ICA1: variants seen among roughly 807,000 people sequenced by gnomAD.
The protein encoded by ICA1 is islet cell autoantigen 1, also known as 69 kDa islet cell autoantigen.
A neutral mutation model predicts 71.0 loss-of-function variants in ICA1; 40 were observed. The ratio of observed to expected loss-of-function variants is 0.56; its 90% CI spans 0.44 to 0.73. The LOEUF (loss-of-function observed/expected upper bound fraction) is 0.73. Ranked by LOEUF, ICA1 falls within the 30% of genes least tolerant of loss-of-function variation. The probability of loss-of-function intolerance (pLI) is 0.00; values close to 1 mark genes in which losing one functional copy is unlikely to be tolerated. For missense variants in ICA1, 578 were observed against 576.5 expected, an observed-to-expected ratio of 1.00 and a Z score of -0.03; for synonymous variants, 207 against 209.5, an observed-to-expected ratio of 0.99 and a Z score of 0.10.
chr7:8,233,707 A>G (rs1009271215), intron 2 of ICA1, among the ~76,000 whole-genome samples: 2 of 152,080 alleles, frequency 1.3e-5, no homozygotes, highest in African/African-American at 4.8e-5. Flanking sequence ...CATGGTGCCT[A>G]TTGTTAACAA....
intron 6 of ICA1, among the ~76,000 whole-genome samples, chr7:8,212,508 T>TG (rs397725224): frequency 1.7e-3 from 1 of 578 alleles, no homozygotes; most frequent in Non-Finnish European, 3.4e-3. Context: ...GAGGTTGCAG[T>TG]GAGCTGAGAT....
chr7:8,184,390 G>A (rs534152454), intron 6 of ICA1, among the ~76,000 whole-genome samples: 73 of 152,296 alleles, frequency 4.8e-4, no homozygotes, highest in African/African-American at 1.5e-3. Context: ...TCAATAAGAC[G>A]CAATGTGCTC....
intron 1 of ICA1, among the ~76,000 whole-genome samples, chr7:8,243,565 A>T (rs1804787186): frequency 6.6e-6 from 1 of 152,214 alleles, no homozygotes; most frequent in African/African-American, 2.4e-5. Flanking sequence ...AGTTCTGGCC[A>T]GGGCAATCAG....
At chr7:8,192,861 G>A (rs1585077987) in intron 6 of ICA1, among the ~76,000 whole-genome samples, 1 of 152,208 alleles carries the variant, frequency 6.6e-6, no homozygotes, top group African/African-American at 2.4e-5. Flanking sequence ...CCCATATTTG[G>A]CGAATGGGAG....
intron 6 of ICA1, among the ~76,000 whole-genome samples, chr7:8,185,909 T>C (rs1783758541): frequency 6.6e-6 from 1 of 152,210 alleles, no homozygotes; most frequent in South Asian, 2.1e-4. Flanking sequence ...TGTAGGAGCC[T>C]GGGTTAGATG....
intron 6 of ICA1, among the ~76,000 whole-genome samples, chr7:8,169,312 C>T (rs1311578024): frequency 6.6e-6 from 1 of 152,044 alleles, no homozygotes; most frequent in Non-Finnish European, 1.5e-5. Flanking sequence ...TTGAGTAAAG[C>T]TGTTATAAAT....
intron 13 of ICA1, among the ~76,000 whole-genome samples, chr7:8,119,014 T>C (rs898508025): frequency 6.6e-6 from 1 of 152,236 alleles, no homozygotes; most frequent in African/African-American, 2.4e-5. Context: ...AAGCACTTCC[T>C]CAGTTGGTCT....
chr7:8,233,746 C>T (rs750723312), intron 2 of ICA1, among the ~76,000 whole-genome samples: 9 of 151,938 alleles, frequency 5.9e-5, no homozygotes, highest in Admixed American at 1.3e-4. Flanking sequence ...AAATTTAAGA[C>T]GGTTGACTTC....
chr7:8,229,018 T>C (rs1460853809), intron 3 of ICA1, among the ~76,000 whole-genome samples: 2 of 152,148 alleles, frequency 1.3e-5, no homozygotes, highest in African/African-American at 2.4e-5. Context: ...CCAATATTCA[T>C]TCATAATCAA....
At chr7:8,238,497 A>G (rs1214529439) in intron 1 of ICA1, among the ~76,000 whole-genome samples, 1 of 152,064 alleles carries the variant, frequency 6.6e-6, no homozygotes, top group East Asian at 1.9e-4. Context: ...TATTGACCCA[A>G]CTTAATTTGC....
At position 8,227,334 on chromosome 7, in the gene ICA1, C is replaced by T. The variant is rs1798898389; in HGVS notation, c.256+1267G>A. On this transcript the variant is annotated intron_variant, in intron 4 of 13. Transcript: ENST00000402384. ...CCAAGTGAGAGACTAATGGTGGTGG[C>T]CTGAACCAAGGTAGTGGCAGAGAAG... 1.3e-5 allele frequency among the ~76,000 whole-genome samples: 2 copies of T among 152,114 alleles called. 1 individual carries two copies. The highest frequency in any genetic ancestry group is 4.2e-4 in the South Asian group (2 of 4,802).
At chr7:8,187,053 T>A (rs1277351792) in intron 6 of ICA1, among the ~76,000 whole-genome samples, 1 of 152,214 alleles carries the variant, frequency 6.6e-6, no homozygotes, top group Non-Finnish European at 1.5e-5. Flanking sequence ...ATTAGAATCT[T>A]ATGAGCTTGA....
chr7:8,164,919 G>T (rs1298248759), intron 6 of ICA1, among the ~76,000 whole-genome samples: 1 of 152,020 alleles, frequency 6.6e-6, no homozygotes, highest in Non-Finnish European at 1.5e-5. Context: ...CTCTACAAAA[G>T]ATACAAAAAT....
intron 10 of ICA1, among the ~76,000 whole-genome samples, chr7:8,140,745 T>C (rs932664236): frequency 6.6e-6 from 1 of 152,146 alleles, no homozygotes; most frequent in Non-Finnish European, 1.5e-5. Flanking sequence ...ATGGATGACA[T>C]GAAGCAAGCA....
chr7:8,236,582 G>C (rs961698963), intron 1 of ICA1, among the ~76,000 whole-genome samples: 1 of 152,072 alleles, frequency 6.6e-6, no homozygotes, highest in Non-Finnish European at 1.5e-5. Context: ...AACAAAAATA[G>C]AACAAAATTT....
intron 12 of ICA1, among the ~76,000 whole-genome samples, chr7:8,134,770 G>A (rs1385983974): frequency 1.3e-5 from 2 of 151,170 alleles, no homozygotes; most frequent in Non-Finnish European, 2.9e-5. Context: ...ACTTCGCTCT[G>A]ATGAAAAATG....
rs1797643889 is a variant in ICA1 at position 8,223,201 on chromosome 7, C to G, written c.257-1803G>C. Among the ~76,000 whole-genome samples the G allele has an allele frequency of 6.6e-6, 1 of 152,178 alleles. No individual in the cohort carries two copies. The highest frequency in any genetic ancestry group is 2.1e-4 in the South Asian group (1 of 4,822). On this transcript the variant is annotated intron_variant, in intron 4 of 13. Transcript: ENST00000402384. The surrounding 1 kb of genome is among the most constrained non-coding windows in gnomAD (Gnocchi z 4.1). The stretch of plus-strand genomic sequence containing the variant: ...ACAATGAATCTTTCCCTATGGAAAG[C>G]AATGTCTCATTTTTGATCTTAATCG...
In ICA1 at chr7:8,223,316, G is replaced by A. The variant is rs568286194; in HGVS notation, c.257-1918C>T. On this transcript the variant is annotated intron_variant, in intron 4 of 13. Coordinates refer to ENST00000402384, the MANE Select transcript of ICA1 (RefSeq NM_001136020.3). The surrounding 1 kb of genome is among the most constrained non-coding windows in gnomAD (Gnocchi z 4.1). ...CTTAAGGCTAGGAAGAAACCAATTT[G>A]TGGTACCTGAATAATTACATGGTTG... Among the ~76,000 whole-genome samples, 18 of 152,296 alleles carry A rather than the reference G, an allele frequency of 1.2e-4. No homozygotes were observed. Among genetic ancestry groups the A allele is most frequent in the African/African-American group, 4.1e-4 (17 of 41,568 alleles).
intron 1 of ICA1, among the ~76,000 whole-genome samples, chr7:8,241,058 C>T (rs1247548827): frequency 6.6e-6 from 1 of 152,114 alleles, no homozygotes; most frequent in Middle Eastern, 3.2e-3. Context: ...TCAGGAATTA[C>T]AGAGAACACC....
Sources: gnomAD v4.1 joint callset for allele counts (sites outside exome capture counted in the v4.1 genomes callset) on GRCh38, gnomAD v4.1.1 for gene constraint, Gnocchi (gnomAD v3.1) non-coding constraint, MANE v1.5 for transcripts, NCBI Gene and HGNC (gene_info 2026-07-23, HGNC 2026-07-21) for gene names.